Variants in SLC12A1 observed in about 807,000 individuals in gnomAD.
The protein encoded by SLC12A1 is solute carrier family 12 member 1.
In SLC12A1, 89 loss-of-function variants were observed where a neutral mutation model predicts 130.4. The ratio of observed to expected loss-of-function variants is 0.68; its 90% CI spans 0.58 to 0.81. The LOEUF (loss-of-function observed/expected upper bound fraction) is 0.81, where lower values mean the gene tolerates loss of function less well. Among genes scored for constraint, SLC12A1 ranks in the 40% least tolerant of loss-of-function variants. The probability of loss-of-function intolerance (pLI) is 0.00; values close to 1 mark genes in which losing one functional copy is unlikely to be tolerated. For synonymous variants in SLC12A1, 499 were observed against 460.0 expected (o/e 1.08, Z -1.09); for missense variants, 1,310 against 1,336.4 (o/e 0.98, Z 0.31).
rs1262435425 is a variant in SLC12A1, at chr15:48,249,638, A to C, written c.1748A>C (p.Asn583Thr). The change falls in exon 14 of 27, where the codon AAT (asparagine) becomes ACT (threonine). Residue 583 changes from asparagine to threonine, a missense_variant. Physicochemically the swap from Asn to Thr is moderately conservative, Grantham distance 65. Coordinates refer to ENST00000380993, the MANE Select transcript of SLC12A1 (RefSeq NM_000338.3). ...NFFLASYALINFSCFHASYAK... is the reference protein window; with the variant it reads ...NFFLASYALITFSCFHASYAK... ...TTCCTGGCCTCATATGCACTTATTA[A>C]TTTCTCCTGCTTCCATGCCTCTTAT... The C allele has an allele frequency of 1.9e-6, 3 of 1,613,718 alleles. No homozygotes were observed. Among genetic ancestry groups the C allele is most frequent in the Non-Finnish European group, 1.7e-6 (2 of 1,179,818 alleles).
chr15:48,271,223 A>AT (rs1259126064), intron 19 of SLC12A1, among the ~76,000 whole-genome samples: 1 of 152,134 alleles, frequency 6.6e-6, no homozygotes, highest in Non-Finnish European at 1.5e-5. Context: ...AAGAAAAAAA[A>AT]GAAAAGAAAG....
rs1460094726 is a variant in SLC12A1 at position 48,303,670 on chromosome 15, A to C, written c.*785A>C. On this transcript the variant is annotated 3_prime_UTR_variant, in exon 27 of 27. Transcript: ENST00000380993. The stretch of plus-strand genomic sequence containing the variant: ...TTGTACTCCCTATCAAATATTTTGA[A>C]ATTTCCATCACGGCATTACTTTGCA... The C allele has an allele frequency of 6.6e-6, 1 of 152,248 alleles. No individual in the cohort carries two copies. Among genetic ancestry groups the C allele is most frequent in the African/African-American group, 2.4e-5 (1 of 41,464 alleles). 9.4% of individuals were successfully genotyped at this position (152,248 alleles called of 1,614,324 possible).
At chr15:48,213,835 T>G (rs2041085879) in intron 2 of SLC12A1, among the ~76,000 whole-genome samples, 1 of 152,088 alleles carries the variant, frequency 6.6e-6, no homozygotes, top group African/African-American at 2.4e-5. Context: ...CTCTAGAATT[T>G]TATAAGTCAA....
At chr15:48,252,547 T>C (rs749018924) in intron 15 of SLC12A1, among the ~76,000 whole-genome samples, 28 of 151,858 alleles carry the variant, frequency 1.8e-4, no homozygotes, top group Non-Finnish European at 1.0e-4. Context: ...ACTATGAGAG[T>C]AATATGAGCA....
intron 20 of SLC12A1, among the ~76,000 whole-genome samples, chr15:48,279,980 G>T (rs949371867): frequency 2.0e-5 from 3 of 152,146 alleles, no homozygotes; most frequent in African/African-American, 7.2e-5. Flanking sequence ...TGAGTTGATT[G>T]ACCAAGGAAA....
intron 14 of SLC12A1, among the ~76,000 whole-genome samples, chr15:48,250,436 C>T (rs1247072293): frequency 1.3e-5 from 2 of 152,208 alleles, no homozygotes; most frequent in African/African-American, 4.8e-5. Context: ...CAATCTTAAT[C>T]TAACGAATAC....
chr15:48,230,192 AC>A (rs1450983996), intron 6 of SLC12A1, among the ~76,000 whole-genome samples, 200 bp from the exon 7 acceptor site: 2 of 152,190 alleles, frequency 1.3e-5, no homozygotes, highest in African/African-American at 4.8e-5. Flanking sequence ...CTAACTCCTA[AC>A]CTTGACTATC....
intron 25 of SLC12A1, 138 bp downstream of exon 25, chr15:48,299,413 G>A (rs2141129882): frequency 1.2e-6 from 1 of 805,562 alleles, no homozygotes; most frequent in South Asian, 2.8e-5. Context: ...CATTTTTCAA[G>A]TGCTTTTCAA....
rs539413944 is a variant in SLC12A1, at chr15:48,264,792, G to A, written c.2155-2769G>A. ...CTTGGTGAATTCCTCTGTTTGATCCGAATGGGGTTGGAACCCCTTTACAAA... is the reference window on the plus strand; with the variant it reads ...CTTGGTGAATTCCTCTGTTTGATCCAAATGGGGTTGGAACCCCTTTACAAA... On this transcript the variant is annotated intron_variant, in intron 17 of 26. Transcript: ENST00000380993. 6.6e-5 allele frequency among the ~76,000 whole-genome samples: 10 copies of A among 152,234 alleles called. No homozygotes were observed. In the South Asian group the frequency reaches 1.5e-3, roughly 22 times the overall value.
Position 48,247,157 on chromosome 15 carries a change from A to G in SLC12A1, c.1560+141A>G, listed in dbSNP as rs1175549357. The G allele has an allele frequency of 1.8e-5, 17 of 956,316 alleles. No homozygotes were observed. The East Asian group carries it at 1.9e-4, about 11-fold the overall frequency. 59.2% of individuals were successfully genotyped at this position (956,316 alleles called of 1,614,324 possible). On this transcript the variant is annotated intron_variant, in intron 12 of 26. Coordinates refer to ENST00000380993, the MANE Select transcript of SLC12A1 (RefSeq NM_000338.3). ...AATGTTTGCATCTGGCTCAAGTTCT[A>G]TGTCTGCCACATAGTCAAGATCGAT...
chr15:48,285,970 T>A (rs8029972), intron 21 of SLC12A1, among the ~76,000 whole-genome samples: 18,948 of 152,208 alleles, frequency 0.12, 1,297 homozygotes, highest in Admixed American at 0.17. Flanking sequence ...GGCATTTGTT[T>A]ATGCACGAAT....
At chr15:48,212,899 A>G (rs1294869002) in intron 2 of SLC12A1, among the ~76,000 whole-genome samples, 1 of 152,218 alleles carries the variant, frequency 6.6e-6, no homozygotes, top group Non-Finnish European at 1.5e-5. Flanking sequence ...TAAAAGCATT[A>G]ACTTTAAATG....
At chr15:48,224,697 G>A (rs2041261439) in intron 4 of SLC12A1, 1 of 152,082 alleles carries the variant, frequency 6.6e-6, no homozygotes, top group African/African-American at 2.4e-5. Context: ...GGGGAGGGAG[G>A]ACAAATTTAT....
At chr15:48,286,058 CAGCA>C (rs2042053904) in intron 21 of SLC12A1, among the ~76,000 whole-genome samples, 1 of 152,180 alleles carries the variant, frequency 6.6e-6, no homozygotes, top group Admixed American at 6.5e-5. Context: ...CCAAGTCAAA[CAGCA>C]GGATCCAAGT....
chr15:48,235,436 T>C (rs1023109864), intron 9 of SLC12A1: 12 of 238,964 alleles, frequency 5.0e-5, no homozygotes, highest in Non-Finnish European at 9.2e-5. Flanking sequence ...GCAAAGAGCA[T>C]GGTATGAGTT....
At chr15:48,224,434 G>T (rs1434942447) in intron 4 of SLC12A1, 1 of 152,162 alleles carries the variant, frequency 6.6e-6, no homozygotes, top group Non-Finnish European at 1.5e-5. Flanking sequence ...GACTTAAAGG[G>T]TTGCTTAGAA....
intron 24 of SLC12A1, 67 bp downstream of exon 24, chr15:48,291,931 A>G: frequency 2.9e-6 from 3 of 1,018,052 alleles, no homozygotes; most frequent in Non-Finnish European, 4.5e-6. Flanking sequence ...TGTGTTGATT[A>G]TCAAACAGTA....
chr15:48,245,903 C>T (rs1381923316), intron 11 of SLC12A1, among the ~76,000 whole-genome samples: 3 of 152,110 alleles, frequency 2.0e-5, no homozygotes, highest in Admixed American at 6.5e-5. Context: ...CCTGGAAAGC[C>T]TAGAAGACAA....
chr15:48,292,937 A>G (rs2042136650), intron 24 of SLC12A1, among the ~76,000 whole-genome samples: 1 of 152,054 alleles, frequency 6.6e-6, no homozygotes, highest in Non-Finnish European at 1.5e-5. Context: ...TTTTTTTGAG[A>G]CAGGGTCTCA....
Sources: gnomAD v4.1 joint callset for allele counts (sites outside exome capture counted in the v4.1 genomes callset) on GRCh38, gnomAD v4.1.1 for gene constraint, MANE v1.5 for transcripts, NCBI Gene and HGNC (gene_info 2026-07-23, HGNC 2026-07-21) for gene names.